Variants in BIVM observed in about 807,000 individuals in gnomAD.
The protein encoded by BIVM is basic immunoglobulin-like variable motif-containing protein.
In BIVM, 31 loss-of-function variants were observed where a neutral mutation model predicts 61.4. The observed-to-expected ratio is 0.51, with a 90% CI of 0.38 to 0.68. The LOEUF is 0.68. Ranked by LOEUF, BIVM falls within the 30% of genes least tolerant of loss-of-function variation. The probability of loss-of-function intolerance (pLI) is 0.00; values close to 1 mark genes in which losing one functional copy is unlikely to be tolerated. For missense variants in BIVM, 526 were observed against 596.0 expected (o/e 0.88, Z 1.22); for synonymous variants, 189 against 210.7 (o/e 0.90, Z 0.89).
At chr13:102,824,539 CTTGA>C (rs1241529055) in intron 7 of BIVM, among the ~76,000 whole-genome samples, 1 of 152,086 alleles carries the variant, frequency 6.6e-6, no homozygotes, top group Non-Finnish European at 1.5e-5. Flanking sequence ...ACATAAAAGG[CTTGA>C]TAGTAAATAT....
At chr13:102,809,656 A>G (rs1173560990) in intron 3 of BIVM, among the ~76,000 whole-genome samples, 2 of 152,176 alleles carry the variant, frequency 1.3e-5, no homozygotes, top group Non-Finnish European at 2.9e-5. Flanking sequence ...AAACTAATAC[A>G]TGTCTAATAA....
At chr13:102,838,899 G>A (rs1881657004) in intron 10 of BIVM, among the ~76,000 whole-genome samples, 160 bp downstream of exon 10, 1 of 152,204 alleles carries the variant, frequency 6.6e-6, no homozygotes, top group African/African-American at 2.4e-5. Flanking sequence ...CCAAGGGCAA[G>A]GGGTATAACC....
At chr13:102,806,311 G>A (rs143530292) in intron 2 of BIVM, among the ~76,000 whole-genome samples, 3,074 of 152,108 alleles carry the variant, frequency 0.02, 127 homozygotes, top group African/African-American at 0.071. Flanking sequence ...GTGTAGTGGC[G>A]CGATCTCGGC....
At chr13:102,809,444 G>A (rs1014928033) in intron 3 of BIVM, among the ~76,000 whole-genome samples, 26 of 152,164 alleles carry the variant, frequency 1.7e-4, no homozygotes, top group African/African-American at 5.1e-4. Flanking sequence ...TGTGCCATGT[G>A]CACTTGAAAA....
Position 102,833,327 on chromosome 13 carries a change from GTTTT to G in BIVM, c.1035-1124_1035-1121del, listed in dbSNP as rs532303115. ...TGGCTTGGTCATGGGGATAGGATGG[GTTTT>G]TTTTTTTTTTTTTTGAGACAAGGCC... is the stretch of plus-strand genomic sequence containing the variant. On this transcript the variant is annotated intron_variant, in intron 8 of 10. Transcript: ENST00000257336. 4.9e-4 allele frequency among the ~76,000 whole-genome samples: 39 copies of G among 79,606 alleles called. 1 individual carries two copies. The East Asian group carries it at 0.013, about 26-fold the overall frequency. The allele number at this position is 79,606 out of a possible 152,430, so 52.2% of individuals were successfully genotyped here. A position where few individuals can be genotyped will look rare whatever the true frequency, so the allele number is the denominator to read the frequency against.
At chr13:102,813,079 A>G (rs939577592) in intron 3 of BIVM, among the ~76,000 whole-genome samples, 1 of 152,186 alleles carries the variant, frequency 6.6e-6, no homozygotes, top group Non-Finnish European at 1.5e-5. Context: ...GAAAGTTGCA[A>G]TCCTTTGAAT....
Position 102,841,176 on chromosome 13 carries a change from C to T in BIVM, c.*1311C>T, listed in dbSNP as rs886843175. 6.6e-6 allele frequency: 1 copy of T among 152,586 alleles called. No individual in the cohort carries two copies. Among genetic ancestry groups the T allele is most frequent in the African/African-American group, 2.4e-5 (1 of 41,442 alleles). 9.5% of individuals were successfully genotyped at this position (152,586 alleles called of 1,614,324 possible). ...CTGCCAACCTGTGACTCACAAATGA[C>T]TAGGATCTCTTGTTCTTTAATTTTA... On this transcript the variant is annotated 3_prime_UTR_variant, in exon 11 of 11. Coordinates refer to ENST00000257336, the MANE Select transcript of BIVM (RefSeq NM_017693.4).
In BIVM at chr13:102,839,708, A is replaced by C. The variant is rs772538521; in HGVS notation, c.1355A>C (p.Glu452Ala). ...CATGCCCAGGGAATTGCCAAATCTG[A>C]GAGTGAAGACAATATTTCCAAGAAG... ...PTHAQGIAKS[E>A]SEDNISKKQH... Residue 452 changes from glutamate (E) to alanine (A), a missense_variant, in exon 11 of 11, where the codon GAG (glutamate) becomes GCG (alanine). By Grantham distance (107) the Glu-to-Ala change is moderately radical. Transcript: ENST00000257336. The C allele has an allele frequency of 1.9e-6, 3 of 1,614,200 alleles. No homozygotes were observed. The highest frequency in any genetic ancestry group is 2.7e-5 in the African/African-American group (2 of 75,044).
intron 3 of BIVM, among the ~76,000 whole-genome samples, chr13:102,815,546 A>T (rs947962412): frequency 6.6e-6 from 1 of 152,252 alleles, no homozygotes. Flanking sequence ...CCCATTCTCC[A>T]TGATGTGGTT....
chr13:102,839,384 A>G (rs924683142), intron 10 of BIVM, among the ~76,000 whole-genome samples, 188 bp from the exon 11 acceptor site: 4 of 152,106 alleles, frequency 2.6e-5, no homozygotes, highest in African/African-American at 9.7e-5. Context: ...TCCGGTGGGC[A>G]TTGTTATATT....
At chr13:102,838,815 G>T (rs2140504858) in intron 10 of BIVM, 76 bp downstream of exon 10, 1 of 1,382,258 alleles carries the variant, frequency 7.2e-7, no homozygotes, top group East Asian at 2.4e-5. Flanking sequence ...CACTCTTTAG[G>T]TTGCAAGTAA....
intron 1 of BIVM, among the ~76,000 whole-genome samples, chr13:102,802,674 C>T (rs535746011): frequency 7.3e-5 from 11 of 151,540 alleles, no homozygotes; most frequent in African/African-American, 2.7e-4. Context: ...CATCTTGTTC[C>T]GTGACCATTA....
chr13:102,819,641 T>C (rs902897917), intron 4 of BIVM, among the ~76,000 whole-genome samples: 5 of 151,828 alleles, frequency 3.3e-5, no homozygotes, highest in African/African-American at 1.2e-4. Flanking sequence ...TCAGGAAAAA[T>C]AGCTAATGCA....
At chr13:102,834,227 T>C (rs1421840965) in intron 8 of BIVM, among the ~76,000 whole-genome samples, 2 of 152,204 alleles carry the variant, frequency 1.3e-5, no homozygotes, top group Non-Finnish European at 2.9e-5. Flanking sequence ...TTAGAGGTGG[T>C]ATATTAAAAC....
chr13:102,804,349 C>T (rs1290518512), intron 1 of BIVM, among the ~76,000 whole-genome samples: 1 of 151,922 alleles, frequency 6.6e-6, no homozygotes, highest in Non-Finnish European at 1.5e-5. Flanking sequence ...TTCACTCTGT[C>T]ACCCAGGCTG....
rs1163061474 is a variant in BIVM, at chr13:102,816,530, G to A, written c.581G>A (p.Arg194Gln). 1.7e-5 allele frequency: 27 copies of A among 1,584,420 alleles called. No homozygotes were observed. The highest frequency in any genetic ancestry group is 1.2e-4 in the East Asian group (5 of 43,096). ...QHSPLEDIKQRKVLDLRRWYC... is the reference protein window; with the variant it reads ...QHSPLEDIKQQKVLDLRRWYC... ...TCTCCTCTTGAAGATATTAAACAGCGGAAAGTATTAGACCTCAGACGATGG... is the reference window on the plus strand; with the variant it reads ...TCTCCTCTTGAAGATATTAAACAGCAGAAAGTATTAGACCTCAGACGATGG... The change falls in exon 4 of 11, where the codon CGG becomes CAG. Residue 194 changes from arginine to glutamine, a missense_variant. This residue lies in a region of BIVM where 312 missense variants were observed against 343.8 expected (regional missense o/e 0.91). Coordinates refer to ENST00000257336, the MANE Select transcript of BIVM (RefSeq NM_017693.4).
intron 2 of BIVM, among the ~76,000 whole-genome samples, chr13:102,805,902 C>T (rs879164129): frequency 2.9e-4 from 44 of 152,110 alleles, no homozygotes; most frequent in African/African-American, 1.0e-3. Context: ...TTATACATTC[C>T]TCAGTTGGTG....
At chr13:102,839,446 C>T in intron 10 of BIVM, 126 bp from the exon 11 acceptor site, 1 of 1,298,738 alleles carries the variant, frequency 7.7e-7, no homozygotes. Context: ...CTGATGATGC[C>T]TGGAAGGAAA....
rs16960558 is a variant in BIVM at position 102,820,857 on chromosome 13, T to C, written c.606-180T>C. 4,237 of 561,126 alleles carry C rather than the reference T, an allele frequency of 7.6e-3. 174 individuals carry two copies. In the African/African-American group the frequency reaches 0.076, roughly 10 times the overall value. The allele number at this position is 561,126 out of a possible 1,614,324, so 34.8% of individuals were successfully genotyped here. On this transcript the variant is annotated intron_variant, in intron 4 of 10. Coordinates refer to ENST00000257336, the MANE Select transcript of BIVM (RefSeq NM_017693.4). ...ACTTAGCTATTTTTGTTAAAGCAGG[T>C]GATTTATTGTTATTTTATATTTATG...
Sources: gnomAD v4.1 joint callset for allele counts (sites outside exome capture counted in the v4.1 genomes callset) on GRCh38, gnomAD v4.1.1 for gene constraint, gnomAD v4.1.1 regional missense constraint, MANE v1.5 for transcripts, NCBI Gene and HGNC (gene_info 2026-07-23, HGNC 2026-07-21) for gene names.